The following PCDHA4 variants were observed in gnomAD, a reference collection of about 807,000 sequenced individuals.
The protein encoded by PCDHA4 is protocadherin alpha-4.
PCDHA4 carries 49 observed loss-of-function variants against 61.4 expected under a neutral mutation model. The observed-to-expected ratio is 0.80, with a 90% CI of 0.63 to 1.01. The LOEUF (loss-of-function observed/expected upper bound fraction) is 1.01, where lower values mean the gene tolerates loss of function less well. Ranked by LOEUF, PCDHA4 falls within the 50% of genes least tolerant of loss-of-function variation. The pLI is 0.00. For synonymous variants in PCDHA4, 590 were observed against 550.3 expected (o/e 1.07, Z -1.01); for missense variants, 1,254 against 1,235.8 (o/e 1.01, Z -0.22).
intron 1 of PCDHA4, among the ~76,000 whole-genome samples, chr5:140,905,962 G>A (rs2072248192): frequency 6.6e-6 from 1 of 152,198 alleles, no homozygotes; most frequent in Non-Finnish European, 1.5e-5. Flanking sequence ...TTCAAGGGGA[G>A]GAAGATCCAG....
chr5:140,813,245 C>T (rs1270157718), intron 1 of PCDHA4: 2 of 152,186 alleles, frequency 1.3e-5, no homozygotes, highest in Admixed American at 6.5e-5. Context: ...ATACCAAAAT[C>T]TCCTACTACA....
At chr5:140,972,729 T>G (rs574244702) in intron 1 of PCDHA4, among the ~76,000 whole-genome samples, 47 of 147,600 alleles carry the variant, frequency 3.2e-4, no homozygotes, top group African/African-American at 1.1e-3. Context: ...AGTGGCGTAA[T>G]CCCGGCTCAC....
At chr5:140,848,903 A>T in intron 1 of PCDHA4, 1 of 1,607,734 alleles carries the variant, frequency 6.2e-7, no homozygotes, top group Non-Finnish European at 8.5e-7. Context: ...TCCCAGCGAC[A>T]CAAAAGAATC....
rs782417854 is a variant in PCDHA4 at position 140,967,777 on chromosome 5, G to T, written c.2386-11172G>T. On this transcript the variant is annotated intron_variant, in intron 1 of 3. Transcript: ENST00000530339. The stretch of plus-strand genomic sequence containing the variant: ...CCTCCTACCAGATCTATGTGCAGGC[G>T]ACTGACCGGGGTCCAGTGCCCATGG... 2.5e-6 allele frequency: 4 copies of T among 1,614,186 alleles called. No individual in the cohort carries two copies. The South Asian group carries it at 4.4e-5, about 18-fold the overall frequency.
At chr5:140,849,958 C>T in intron 1 of PCDHA4, 1 of 1,597,890 alleles carries the variant, frequency 6.3e-7, no homozygotes, top group South Asian at 1.1e-5. Context: ...CAGGAGAACG[C>T]CCTGGTGTCC....
At chr5:140,833,383 A>G in intron 1 of PCDHA4, among the ~76,000 whole-genome samples, 1 of 152,336 alleles carries the variant, frequency 6.6e-6, no homozygotes, top group African/African-American at 2.4e-5. Context: ...AAAAAGGATG[A>G]AATACCTCAA....
intron 1 of PCDHA4, chr5:140,862,540 G>A: frequency 4.5e-6 from 2 of 444,274 alleles, no homozygotes; most frequent in South Asian, 3.5e-5. Flanking sequence ...TCGGGTCCGT[G>A]GAAGTGGCCG....
intron 1 of PCDHA4, chr5:140,824,610 G>GTTTTTTTGTTTTTTTTTT (rs1768198907): frequency 1.1e-5 from 1 of 95,104 alleles, no homozygotes; most frequent in African/African-American, 4.9e-5. Context: ...GCTAATTAAA[G>GTTTTTTTGTTTTTTTTTT]TTTTTTTTTT....
intron 1 of PCDHA4, among the ~76,000 whole-genome samples, chr5:140,938,157 G>C (rs532966795): frequency 6.6e-6 from 1 of 152,022 alleles, no homozygotes; most frequent in African/African-American, 2.4e-5. Context: ...CATTGCCCAG[G>C]CTAGTCTGGA....
At chr5:140,828,155 G>A in intron 1 of PCDHA4, 1 of 1,614,122 alleles carries the variant, frequency 6.2e-7, no homozygotes, top group Non-Finnish European at 8.5e-7. Flanking sequence ...TCTGCTCCTC[G>A]CAGCCTGGAA....
At chr5:140,997,098 C>T (rs1328956245) in intron 3 of PCDHA4, among the ~76,000 whole-genome samples, 12 of 152,128 alleles carry the variant, frequency 7.9e-5, no homozygotes, top group Admixed American at 5.2e-4. Context: ...GCAGAGTTCT[C>T]ATGCACTCCT....
At chr5:140,848,979 A>G in intron 1 of PCDHA4, 1 of 1,599,958 alleles carries the variant, frequency 6.3e-7, no homozygotes, top group Non-Finnish European at 8.5e-7. Flanking sequence ...CGATGCAGAT[A>G]TCGGGGAGAA....
In PCDHA4 at chr5:140,927,773, A is replaced by G. The variant is rs143568645; in HGVS notation, c.2386-51176A>G. ...GTGCACCCTAAAAGTGGGGAGGTGC[A>G]AGTAGCTGCTTCACTAGGTCCGCCT... is the stretch of plus-strand genomic sequence containing the variant. On this transcript the variant is annotated intron_variant, in intron 1 of 3. Coordinates refer to ENST00000530339, the MANE Select transcript of PCDHA4 (RefSeq NM_018907.4). 201 of 1,614,196 alleles carry G rather than the reference A, an allele frequency of 1.2e-4. 4 individuals carry two copies. In the Middle Eastern group the frequency reaches 2.1e-3, roughly 17 times the overall value.
At chr5:140,960,112 T>C (rs145534809) in intron 1 of PCDHA4, among the ~76,000 whole-genome samples, 45 of 152,352 alleles carry the variant, frequency 3.0e-4, no homozygotes, top group Non-Finnish European at 4.3e-4. Flanking sequence ...GTGGGAACAA[T>C]AGTATTCCTT....
At chr5:140,847,009 T>G (rs1780816378) in intron 1 of PCDHA4, among the ~76,000 whole-genome samples, 1 of 149,542 alleles carries the variant, frequency 6.7e-6, no homozygotes, top group Non-Finnish European at 1.5e-5. Flanking sequence ...TTGAGAATGA[T>G]AGACATTTCT....
At chr5:140,906,416 T>A (rs2072639287) in intron 1 of PCDHA4, among the ~76,000 whole-genome samples, 1 of 152,190 alleles carries the variant, frequency 6.6e-6, no homozygotes, top group African/African-American at 2.4e-5. Flanking sequence ...AGTCAATAAA[T>A]CTTATGTCAC....
intron 1 of PCDHA4, among the ~76,000 whole-genome samples, chr5:140,912,002 A>T (rs1452427916): frequency 6.6e-6 from 1 of 152,236 alleles, no homozygotes; most frequent in Non-Finnish European, 1.5e-5. Flanking sequence ...ACAATAGGCC[A>T]TCTGCAAGCT....
rs558389511 is a variant in PCDHA4 at position 140,809,383 on chromosome 5, C to A, written c.2196C>A (p.Cys732Ter). 2.5e-6 allele frequency: 4 copies of A among 1,614,038 alleles called. No individual in the cohort carries two copies. The highest frequency in any genetic ancestry group is 2.2e-5 in the East Asian group (1 of 44,874). The stretch of plus-strand genomic sequence containing the variant: ...CTGCGCTGCCCACCGAGGGCGCGTG[C>A]GCTCCGGGCAAGCCCACGCTGGTGT... ...RCSALPTEGACAPGKPTLVCS... is the reference protein window; with the variant it reads ...RCSALPTEGA Residue 732 changes from cysteine to a stop codon, truncating the protein, a stop_gained, in exon 1 of 4, where the codon TGC becomes TGA. Transcript: ENST00000530339. LOFTEE classifies it high-confidence loss of function.
intron 1 of PCDHA4, chr5:140,863,119 A>T: frequency 1.7e-6 from 1 of 591,284 alleles, no homozygotes; most frequent in Non-Finnish European, 3.3e-6. Context: ...GGCGAAAGCT[A>T]CGCGCCACCG....
Sources: gnomAD v4.1 joint callset for allele counts (sites outside exome capture counted in the v4.1 genomes callset) on GRCh38, gnomAD v4.1.1 for gene constraint, MANE v1.5 for transcripts, NCBI Gene and HGNC (gene_info 2026-07-23, HGNC 2026-07-21) for gene names.